CEP63: variants seen among roughly 807,000 people sequenced by gnomAD.
CEP63 encodes the protein centrosomal protein 63, also known as centrosomal protein of 63 kDa.
CEP63 carries 84 observed loss-of-function variants against 89.1 expected under a neutral mutation model. The ratio of observed to expected loss-of-function variants is 0.94; its 90% CI spans 0.79 to 1.13. The LOEUF (loss-of-function observed/expected upper bound fraction) is 1.13, where lower values mean the gene tolerates loss of function less well. CEP63 is among the 50% of genes most tolerant of loss of function. CEP63 has a pLI of 0.00. For missense variants in CEP63, 838 were observed against 813.3 expected (o/e 1.03, Z -0.37); for synonymous variants, 267 against 272.5 (o/e 0.98, Z 0.20).
chr3:134,653,652 T>C, the CEP63 span, among the ~76,000 whole-genome samples: 2 of 152,150 alleles, frequency 1.3e-5, no homozygotes, highest in African/African-American at 4.8e-5. Context: ...TTTGGATGTA[T>C]CAGGAAAGGG....
the CEP63 span, among the ~76,000 whole-genome samples, chr3:134,675,268 A>T: frequency 0.01 from 1,570 of 152,356 alleles, 25 homozygotes; most frequent in African/African-American, 0.036. Flanking sequence ...CAAGGGTGTC[A>T]AGACAAACAG....
chr3:134,585,201 G>C (rs1019150882), intron 10 of CEP63, among the ~76,000 whole-genome samples: 1 of 151,904 alleles, frequency 6.6e-6, no homozygotes, highest in African/African-American at 2.4e-5. Context: ...GTTTTGCTCT[G>C]ATCTTAGTTA....
At chr3:134,719,842 G>C in the CEP63 span, among the ~76,000 whole-genome samples, 2 of 152,106 alleles carry the variant, frequency 1.3e-5, no homozygotes, top group African/African-American at 4.8e-5. Flanking sequence ...TCATTGCATA[G>C]ATGTATCACA....
At chr3:134,597,401 T>C in the CEP63 span, among the ~76,000 whole-genome samples, 2 of 152,160 alleles carry the variant, frequency 1.3e-5, no homozygotes, top group African/African-American at 4.8e-5. Flanking sequence ...TGGCTTTGGG[T>C]ATGCTGACTG....
At chr3:134,769,611 T>C in the CEP63 span, among the ~76,000 whole-genome samples, 1 of 152,198 alleles carries the variant, frequency 6.6e-6, no homozygotes, top group Admixed American at 6.5e-5. Flanking sequence ...ATATTTCCTG[T>C]CTGGATGGAT....
the CEP63 span, chr3:134,629,714 T>C: frequency 5.8e-6 from 9 of 1,544,328 alleles, no homozygotes; most frequent in Admixed American, 7.4e-5. Flanking sequence ...GAAAAGGAGA[T>C]GACATTCTCA....
the CEP63 span, among the ~76,000 whole-genome samples, chr3:134,684,584 G>C: frequency 1.3e-5 from 2 of 152,210 alleles, no homozygotes; most frequent in African/African-American, 4.8e-5. Context: ...TCACCATCCT[G>C]CAAAGCAGGA....
chr3:134,575,638 G>T, downstream of CEP63, among the ~76,000 whole-genome samples: 1 of 150,692 alleles, frequency 6.6e-6, no homozygotes, highest in East Asian at 2.0e-4. Flanking sequence ...TGGAGACAGG[G>T]TCTCACTCTG....
intron 9 of CEP63, 32 bp downstream of exon 9, chr3:134,547,504 C>T: frequency 6.3e-7 from 1 of 1,590,408 alleles, no homozygotes; most frequent in Non-Finnish European, 8.6e-7. Context: ...TCAAAAATTT[C>T]AAGTTGTTAA....
the CEP63 span, chr3:134,651,086 G>A: frequency 6.6e-7 from 1 of 1,526,424 alleles, no homozygotes; most frequent in South Asian, 1.2e-5. Flanking sequence ...GCGCTCCCCC[G>A]CCGCTGGAGC....
chr3:134,702,827 G>A, the CEP63 span, among the ~76,000 whole-genome samples: 20 of 151,334 alleles, frequency 1.3e-4, no homozygotes, highest in African/African-American at 4.6e-4. Flanking sequence ...ATAGATGAAG[G>A]CGAGGTTGTG....
chr3:134,540,664 T>C (rs1951807694), intron 6 of CEP63, among the ~76,000 whole-genome samples: 1 of 152,128 alleles, frequency 6.6e-6, no homozygotes, highest in African/African-American at 2.4e-5. Flanking sequence ...TTAATATACA[T>C]TGTTTTAATA....
At chr3:134,649,900 G>A in the CEP63 span, among the ~76,000 whole-genome samples, 1 of 152,196 alleles carries the variant, frequency 6.6e-6, no homozygotes, top group Non-Finnish European at 1.5e-5. Context: ...GAGCTGGAGG[G>A]GAGGAGAGAG....
the CEP63 span, among the ~76,000 whole-genome samples, chr3:134,593,988 G>C: frequency 6.6e-6 from 1 of 152,202 alleles, no homozygotes; most frequent in African/African-American, 2.4e-5. Context: ...AAGGGCATAG[G>C]AGGAGGGGAC....
intron 12 of CEP63, among the ~76,000 whole-genome samples, chr3:134,554,511 CT>C (rs1178278762): frequency 6.7e-6 from 1 of 148,648 alleles, no homozygotes; most frequent in Non-Finnish European, 1.5e-5. Flanking sequence ...GCTTCCAAGT[CT>C]TTGCTATTGT....
At position 134,583,384 on chromosome 3, in the gene CEP63, A is replaced by T. The variant is rs563642125; in HGVS notation, c.1207-4074A>T. Reference sequence around the variant, plus strand: ...AGGTGTAAGGAAGGGATCCAGTTTCAGCTTTCTACATATGGCTAGCCAGTT... The same window carrying T: ...AGGTGTAAGGAAGGGATCCAGTTTCTGCTTTCTACATATGGCTAGCCAGTT... On this transcript the variant is annotated intron_variant, in intron 10 of 10. Coordinates refer to the CEP63 transcript ENST00000683931. Among the ~76,000 whole-genome samples the T allele has an allele frequency of 3.6e-3, 546 of 152,308 alleles. 4 individuals carry two copies. Among genetic ancestry groups the T allele is most frequent in the African/African-American group, 0.013 (525 of 41,552 alleles).
intron 3 of CEP63, among the ~76,000 whole-genome samples, chr3:134,528,569 C>CGTGCGTGTGTGT (rs1553763960): frequency 1.4e-5 from 2 of 147,132 alleles, no homozygotes; most frequent in Admixed American, 1.3e-4. Context: ...TGTGTGTGTG[C>CGTGCGTGTGTGT]GTGTGTGTGT....
the CEP63 span, among the ~76,000 whole-genome samples, chr3:134,777,148 G>C: frequency 6.6e-6 from 1 of 152,174 alleles, no homozygotes; most frequent in Non-Finnish European, 1.5e-5. Flanking sequence ...GTTAAAAAAG[G>C]CACATGTTTT....
At chr3:134,595,225 A>G in the CEP63 span, among the ~76,000 whole-genome samples, 1 of 152,106 alleles carries the variant, frequency 6.6e-6, no homozygotes, top group Non-Finnish European at 1.5e-5. Context: ...TTCTCACAAG[A>G]TCTGATGATT....
Sources: gnomAD v4.1 joint callset for allele counts (sites outside exome capture counted in the v4.1 genomes callset) on GRCh38, gnomAD v4.1.1 for gene constraint, MANE v1.5 for transcripts, NCBI Gene and HGNC (gene_info 2026-07-23, HGNC 2026-07-21) for gene names.